Variants in KCNK9 observed in about 807,000 individuals in gnomAD.
KCNK9 encodes the protein potassium two pore domain channel subfamily K member 9, also known as potassium channel subfamily K member 9.
In KCNK9, 1 loss-of-function variant was observed where a neutral mutation model predicts 10.8. The ratio of observed to expected loss-of-function variants is 0.09; its 90% CI spans 0.03 to 0.44. KCNK9 has a LOEUF of 0.44. Ranked by LOEUF, KCNK9 falls within the 20% of genes least tolerant of loss-of-function variation. The pLI is 0.97. For missense variants in KCNK9, 303 were observed against 515.0 expected, an observed-to-expected ratio of 0.59 and a Z score of 3.98; for synonymous variants, 231 against 222.7, an observed-to-expected ratio of 1.04 and a Z score of -0.33.
chr8:139,641,906 G>A (rs575883714), intron 1 of KCNK9, among the ~76,000 whole-genome samples: 4 of 152,304 alleles, frequency 2.6e-5, no homozygotes, highest in South Asian at 2.1e-4. Flanking sequence ...GGGCTGCCTG[G>A]CTGGCAGAGC....
At chr8:139,700,506 ACACGCG>A (rs1384628516) in intron 1 of KCNK9, among the ~76,000 whole-genome samples, 2 of 130,664 alleles carry the variant, frequency 1.5e-5, no homozygotes, top group African/African-American at 7.3e-5. Context: ...ACACACACAC[ACACGCG>A]CGCGCGCGCA....
intron 1 of KCNK9, among the ~76,000 whole-genome samples, chr8:139,687,513 TAC>T (rs1221426860): frequency 2.9e-5 from 4 of 138,658 alleles, no homozygotes; most frequent in South Asian, 2.2e-4. Flanking sequence ...TATATATGTA[TAC>T]ACATATATTC....
intron 1 of KCNK9, among the ~76,000 whole-genome samples, chr8:139,632,607 G>A (rs926872720): frequency 2.0e-5 from 3 of 152,092 alleles, no homozygotes; most frequent in Non-Finnish European, 4.4e-5. Flanking sequence ...AAAACCTGCC[G>A]TATGATTTTC....
chr8:139,699,858 G>A (rs192840552), intron 1 of KCNK9, among the ~76,000 whole-genome samples: 38 of 152,332 alleles, frequency 2.5e-4, no homozygotes, highest in Non-Finnish European at 4.4e-4. Context: ...ATTCGTGGCC[G>A]CCCAGCACCA....
rs958989368 is a variant in KCNK9, at chr8:139,606,317, C to A, written c.*1-4716G>T. On this transcript the variant is annotated intron_variant, in intron 2 of 2. Coordinates refer to the KCNK9 transcript ENST00000650269. ...GCCTCCGGTAGCATCTTCATAAGAA[C>A]CAAACCCAGGTCCCCTTACTGCACA... is the stretch of plus-strand genomic sequence containing the variant. Among the ~76,000 whole-genome samples, 4 of 152,158 alleles carry A rather than the reference C, an allele frequency of 2.6e-5. No homozygotes were observed. The South Asian group carries it at 8.3e-4, about 32-fold the overall frequency.
downstream of KCNK9, among the ~76,000 whole-genome samples, chr8:139,610,208 C>G (rs1814377794): frequency 6.6e-6 from 1 of 152,206 alleles, no homozygotes; most frequent in Non-Finnish European, 1.5e-5. Flanking sequence ...CTCACCTTGA[C>G]AGTAGGCACT....
chr8:139,624,855 G>A (rs931799049), intron 1 of KCNK9, among the ~76,000 whole-genome samples: 3 of 152,238 alleles, frequency 2.0e-5, no homozygotes, highest in African/African-American at 7.2e-5. Context: ...TACAGATCTG[G>A]AAAGGGGACA....
intron 1 of KCNK9, among the ~76,000 whole-genome samples, chr8:139,682,952 GA>G (rs60391853): frequency 3.9e-4 from 59 of 152,110 alleles, no homozygotes; most frequent in Non-Finnish European, 7.6e-4. Context: ...AAACTCAAAG[GA>G]AAAAAACCAG....
chr8:139,671,511 CTTTTTT>C (rs35081138), intron 1 of KCNK9, among the ~76,000 whole-genome samples: 1 of 132,740 alleles, frequency 7.5e-6, no homozygotes, highest in Non-Finnish European at 1.6e-5. Context: ...TTTTTAGTTT[CTTTTTT>C]TTTTTTTTTT....
chr8:139,627,216 T>C (rs1304015091), intron 1 of KCNK9, among the ~76,000 whole-genome samples: 1 of 152,188 alleles, frequency 6.6e-6, no homozygotes, highest in Non-Finnish European at 1.5e-5. Flanking sequence ...CACTTGACAA[T>C]GCTTTTCCCA....
chr8:139,610,600 C>T (rs557815636), downstream of KCNK9, among the ~76,000 whole-genome samples: 1 of 152,310 alleles, frequency 6.6e-6, no homozygotes, highest in Non-Finnish European at 1.5e-5. Context: ...CCCACCCAAA[C>T]AAGGGGATGC....
chr8:139,687,665 CATATGTA>C (rs200535097), intron 1 of KCNK9, among the ~76,000 whole-genome samples: 15,619 of 91,980 alleles, frequency 0.17, 1,290 homozygotes, highest in Middle Eastern at 0.22. Flanking sequence ...CATATGTATA[CATATGTA>C]TACATATATA....
In KCNK9 at chr8:139,621,765, T is replaced by C. The variant is rs544152598; in HGVS notation, c.284-2666A>G. 7.2e-4 allele frequency among the ~76,000 whole-genome samples: 110 copies of C among 152,208 alleles called. 1 individual carries two copies. In the Middle Eastern group the frequency reaches 0.01, roughly 14 times the overall value. Reference sequence around the variant, plus strand: ...TCTTGGCAAACAAGTAGGGTAAATATAAAAGATGCAGGGGTGGGAATCCTA... The same window carrying C: ...TCTTGGCAAACAAGTAGGGTAAATACAAAAGATGCAGGGGTGGGAATCCTA... On this transcript the variant is annotated intron_variant, in intron 1 of 1. Transcript: ENST00000520439.
chr8:139,631,862 T>C (rs1016022233), intron 1 of KCNK9, among the ~76,000 whole-genome samples: 3 of 152,208 alleles, frequency 2.0e-5, no homozygotes, highest in Non-Finnish European at 4.4e-5. Context: ...CAAACTTTAA[T>C]TCCTGTTTTG....
chr8:139,700,485 TACACACACAC>T (rs374444340), intron 1 of KCNK9, among the ~76,000 whole-genome samples: 15 of 142,872 alleles, frequency 1.0e-4, no homozygotes, highest in South Asian at 6.9e-4. Flanking sequence ...CACATACACA[TACACACACAC>T]ACACACACAC....
chr8:139,623,739 A>G (rs765062034), intron 1 of KCNK9, among the ~76,000 whole-genome samples: 32 of 151,974 alleles, frequency 2.1e-4, no homozygotes, highest in Non-Finnish European at 4.6e-4. Flanking sequence ...CAGAAGTCCC[A>G]CCCACCACTG....
intron 1 of KCNK9, among the ~76,000 whole-genome samples, chr8:139,646,105 A>G (rs901857482): frequency 6.6e-6 from 1 of 151,924 alleles, no homozygotes; most frequent in African/African-American, 2.4e-5. Context: ...TTGCCCCTCT[A>G]CTTGTCAAGT....
chr8:139,614,070 C>T (rs915650991), downstream of KCNK9, among the ~76,000 whole-genome samples: 2 of 152,190 alleles, frequency 1.3e-5, no homozygotes, highest in African/African-American at 4.8e-5. Context: ...TGCTCACCTC[C>T]CTCTCCTGGC....
intron 2 of KCNK9, among the ~76,000 whole-genome samples, chr8:139,602,952 T>C (rs1817405759): frequency 6.6e-6 from 1 of 152,148 alleles, no homozygotes; most frequent in South Asian, 2.1e-4. Context: ...GTGGTTTCAG[T>C]TGCCCTAGAG....
Sources: allele counts gnomAD v4.1 joint callset (sites outside exome capture counted in the v4.1 genomes callset), GRCh38; gene constraint gnomAD v4.1.1; transcripts MANE v1.5; gene names NCBI Gene and HGNC (gene_info 2026-07-23, HGNC 2026-07-21).